The following GRIN2D variants were observed in gnomAD, a reference collection of about 807,000 sequenced individuals.
GRIN2D encodes glutamate receptor ionotropic, NMDA 2D.
Under a neutral mutation model 103.2 loss-of-function variants are expected in GRIN2D, and 37 were observed. The ratio of observed to expected loss-of-function variants is 0.36; its 90% CI spans 0.28 to 0.47. GRIN2D has a LOEUF of 0.47. Ranked by LOEUF, GRIN2D falls within the 20% of genes least tolerant of loss-of-function variation. The pLI is 1.00. For missense variants in GRIN2D, 1,557 were observed against 1,910.6 expected (o/e 0.81, Z 3.45); for synonymous variants, 845 against 885.6 (o/e 0.95, Z 0.81).
chr19:48,440,644 A>AAT (rs2147473665), intron 11 of GRIN2D, among the ~76,000 whole-genome samples: 1 of 119,504 alleles, frequency 8.4e-6, no homozygotes, highest in East Asian at 2.2e-4. Flanking sequence ...TGCTTGGCAC[A>AAT]ATATAACTGA....
chr19:48,409,790 C>A (rs990634648), intron 4 of GRIN2D, among the ~76,000 whole-genome samples: 1 of 150,002 alleles, frequency 6.7e-6, no homozygotes, highest in Non-Finnish European at 1.5e-5. Context: ...TCTTTTTTTT[C>A]TTTTTTTTGA....
At chr19:48,399,218 G>A (rs1361322772) in intron 3 of GRIN2D, among the ~76,000 whole-genome samples, 1 of 152,180 alleles carries the variant, frequency 6.6e-6, no homozygotes, top group African/African-American at 2.4e-5. Context: ...AGCCCCAAAT[G>A]GCAAAATCTG....
rs1014145028 is a variant in GRIN2D at position 48,421,656 on chromosome 19, G to A, written c.2092-129G>A. 9 of 713,326 alleles carry A rather than the reference G, an allele frequency of 1.3e-5. No homozygotes were observed. Among genetic ancestry groups the A allele is most frequent in the Middle Eastern group, 3.3e-4 (1 of 3,048 alleles). The allele number at this position is 713,326 out of a possible 1,614,324, so 44.2% of individuals were successfully genotyped here. On this transcript the variant is annotated intron_variant, in intron 10 of 13. Coordinates refer to ENST00000263269, the MANE Select transcript of GRIN2D (RefSeq NM_000836.4). The surrounding 1 kb of genome is among the most constrained non-coding windows in gnomAD (Gnocchi z 4.8). ...AAGCATTCCCTAATGTAGTGAGCGA[G>A]TGTTGAGAAATATTGAACACTCCTG... is the stretch of plus-strand genomic sequence containing the variant.
intron 11 of GRIN2D, among the ~76,000 whole-genome samples, chr19:48,424,223 C>T (rs1017392239): frequency 1.4e-5 from 2 of 147,728 alleles, no homozygotes; most frequent in African/African-American, 5.1e-5. Context: ...CAAGACCAGC[C>T]TGTGAAACAT....
chr19:48,397,022 G>C (rs1193605227), intron 2 of GRIN2D, among the ~76,000 whole-genome samples: 1 of 152,062 alleles, frequency 6.6e-6, no homozygotes, highest in Admixed American at 6.5e-5. Flanking sequence ...TATTCAACAG[G>C]GGGCACAGGA....
Position 48,444,049 on chromosome 19 carries a change from C to A in GRIN2D, c.*112C>A. 3.0e-6 allele frequency: 2 copies of A among 671,286 alleles called. No homozygotes were observed. Among genetic ancestry groups the A allele is most frequent in the Non-Finnish European group, 4.4e-6 (2 of 453,058 alleles). The allele number at this position is 671,286 out of a possible 1,614,324, so 41.6% of individuals were successfully genotyped here. A position where few individuals can be genotyped will look rare whatever the true frequency, so the allele number is the denominator to read the frequency against. On this transcript the variant is annotated 3_prime_UTR_variant, in exon 14 of 14. Coordinates refer to ENST00000263269, the MANE Select transcript of GRIN2D (RefSeq NM_000836.4). The surrounding 1 kb of genome is among the most constrained non-coding windows in gnomAD (Gnocchi z 5.5). ...TGGGAAGGAAAGCAGTGGAACTGGC[C>A]GGACCCCGCCTGGAGCAGCGTCCTG...
rs1185822464 is a variant in GRIN2D, at chr19:48,443,189, G to A, written c.3263G>A (p.Gly1088Glu). The A allele has an allele frequency of 2.7e-5, 30 of 1,128,848 alleles. No homozygotes were observed. Among genetic ancestry groups the A allele is most frequent in the African/African-American group, 3.3e-5 (2 of 59,994 alleles). The allele number at this position is 1,128,848 out of a possible 1,614,324, so 69.9% of individuals were successfully genotyped here. Residue 1088 changes from glycine (G) to glutamate (E), a missense_variant, in exon 14 of 14, where the codon GGA becomes GAA. Transcript: ENST00000263269. This position sits in a 1 kb window ranked among gnomAD's most constrained non-coding sequence, Gnocchi z 8.9. ...GGGGGCACGGGGGGCGCAGGCGGAG[G>A]AGCCCCGGCCGCTCCGCCCCCGTGC... ...GAGGTGGAGG[G>E]APAAPPPCRA...
rs149452442 is a variant in GRIN2D at position 48,405,869 on chromosome 19, C to G, written c.1085+516C>G. 3.3e-5 allele frequency among the ~76,000 whole-genome samples: 5 copies of G among 152,316 alleles called. No homozygotes were observed. The highest frequency in any genetic ancestry group is 3.4e-3 in the Middle Eastern group (1 of 294). The stretch of plus-strand genomic sequence containing the variant: ...CATTCAGGGACCCAGGATTCTCCCA[C>G]ACTGTTACTCTGGCATCTCTGCATG... On this transcript the variant is annotated intron_variant, in intron 4 of 13. Coordinates refer to ENST00000263269, the MANE Select transcript of GRIN2D (RefSeq NM_000836.4). This position sits in a 1 kb window ranked among gnomAD's most constrained non-coding sequence, Gnocchi z 5.1.
intron 8 of GRIN2D, among the ~76,000 whole-genome samples, chr19:48,418,513 A>C (rs535691525): frequency 6.6e-6 from 1 of 152,198 alleles, no homozygotes; most frequent in African/African-American, 2.4e-5. Flanking sequence ...TGTAGGGGAC[A>C]GACAGGAGCT....
intron 11 of GRIN2D, among the ~76,000 whole-genome samples, chr19:48,433,951 CTT>C (rs778701949): frequency 1.3e-4 from 18 of 140,116 alleles, no homozygotes; most frequent in Non-Finnish European, 1.3e-4. Flanking sequence ...CGCTTCTTTT[CTT>C]TTTTTTTTTT....
intron 2 of GRIN2D, among the ~76,000 whole-genome samples, chr19:48,396,802 G>A (rs1001778538): frequency 3.9e-5 from 6 of 151,980 alleles, no homozygotes; most frequent in South Asian, 2.1e-4. Flanking sequence ...TGGGGTGGAC[G>A]AGGCCTGCGC....
At position 48,405,266 on chromosome 19, in the gene GRIN2D, C is replaced by A. The variant is rs1228608436; in HGVS notation, c.998C>A (p.Ala333Asp). Residue 333 changes from alanine (A) to aspartate (D), a missense_variant, in exon 4 of 14, where the codon GCC becomes GAC. Physicochemically the swap from Ala to Asp is moderately radical, Grantham distance 126. Transcript: ENST00000263269. This position sits in a 1 kb window ranked among gnomAD's most constrained non-coding sequence, Gnocchi z 5.1. ...GCCGTAGTGGCCAGAGGTGCCCAGGCCCTGCTGCGTGATTATGGTTTCCTT... is the reference window on the plus strand; with the variant it reads ...GCCGTAGTGGCCAGAGGTGCCCAGGACCTGCTGCGTGATTATGGTTTCCTT... ...GVAVVARGAQ[A>D]LLRDYGFLPE... 6.3e-7 allele frequency: 1 copy of A among 1,599,772 alleles called. No individual in the cohort carries two copies. The highest frequency in any genetic ancestry group is 8.5e-7 in the Non-Finnish European group (1 of 1,177,846).
At chr19:48,418,564 T>C (rs1970975544) in intron 8 of GRIN2D, among the ~76,000 whole-genome samples, 1 of 152,032 alleles carries the variant, frequency 6.6e-6, no homozygotes, top group African/African-American at 2.4e-5. Flanking sequence ...AGATGAGGCC[T>C]GAGCCCTGTT....
rs569050730 is a variant in GRIN2D, at chr19:48,424,265, A to ATT, written c.2252+2342_2252+2343dup. Among the ~76,000 whole-genome samples, 500 of 101,188 alleles carry ATT rather than the reference A, an allele frequency of 4.9e-3. 1 individual carries two copies. The highest frequency in any genetic ancestry group is 5.8e-3 in the Non-Finnish European group (309 of 53,702). 66.4% of individuals were successfully genotyped at this position (101,188 alleles called of 152,430 possible). ...ACCCCCTTGACTCACAAAAAAAAAA[A>ATT]TTTTTTTTTTTTTTTTTTTTTTTGA... On this transcript the variant is annotated intron_variant, in intron 11 of 13. Coordinates refer to ENST00000263269, the MANE Select transcript of GRIN2D (RefSeq NM_000836.4).
At position 48,425,106 on chromosome 19, in the gene GRIN2D, T is replaced by A. The variant is rs1356006892; in HGVS notation, c.2252+3161T>A. On this transcript the variant is annotated intron_variant, in intron 11 of 13. Transcript: ENST00000263269. ...CACCTCTGCTTCACTTGCGCCTTCCTCAGAAGGCAGGGATGGCTGCAAACA... is the reference window on the plus strand; with the variant it reads ...CACCTCTGCTTCACTTGCGCCTTCCACAGAAGGCAGGGATGGCTGCAAACA... Among the ~76,000 whole-genome samples the A allele has an allele frequency of 2.6e-5, 4 of 151,862 alleles. No individual in the cohort carries two copies. The East Asian group carries it at 7.8e-4, about 29-fold the overall frequency.
chr19:48,421,264 A>ATGTGC lies in GRIN2D; in HGVS notation c.2092-521_2092-520insTGTGC, dbSNP rs1971018635. On this transcript the variant is annotated intron_variant, in intron 10 of 13. Transcript: ENST00000263269. The surrounding 1 kb of genome is among the most constrained non-coding windows in gnomAD (Gnocchi z 4.8). ...ACCAACATGGAGAAACCCCATCTCT[A>ATGTGC]CTAAAAATACAAAACTGGCTGGGCA... 6.6e-6 allele frequency among the ~76,000 whole-genome samples: 1 copy of ATGTGC among 152,058 alleles called. No individual in the cohort carries two copies. Among genetic ancestry groups the ATGTGC allele is most frequent in the Admixed American group, 6.6e-5 (1 of 15,250 alleles).
At chr19:48,396,373 C>T (rs1006252945) in intron 2 of GRIN2D, among the ~76,000 whole-genome samples, 2 of 152,040 alleles carry the variant, frequency 1.3e-5, no homozygotes, top group Admixed American at 1.3e-4. Context: ...GGGCCGGGGG[C>T]TGCCCTCCTG....
At position 48,404,909 on chromosome 19, in the gene GRIN2D, G is replaced by T; in HGVS notation, c.641G>T (p.Gly214Val). ...GTGCTGACTGACGGTAGTCTGGTGG[G>T]CTGGGAGCACCGCGGAGCGCTGACG... Reference protein sequence around the residue: ...IEVLTDGSLVGWEHRGALTLD... With the variant: ...IEVLTDGSLVVWEHRGALTLD... Residue 214 changes from glycine to valine, a missense_variant, in exon 4 of 14, where the codon GGC becomes GTC. Physicochemically the swap from Gly to Val is moderately radical, Grantham distance 109 (BLOSUM62 -3). Coordinates refer to ENST00000263269, the MANE Select transcript of GRIN2D (RefSeq NM_000836.4). 1 of 1,614,028 alleles carries T rather than the reference G, an allele frequency of 6.2e-7. No homozygotes were observed. The highest frequency in any genetic ancestry group is 1.3e-5 in the African/African-American group (1 of 75,080).
chr19:48,415,949 T>A, intron 7 of GRIN2D, 53 bp from the exon 8 acceptor site: 8 of 1,542,006 alleles, frequency 5.2e-6, no homozygotes, highest in Non-Finnish European at 7.1e-6. Context: ...TCCGTGTCAG[T>A]CTGTCCGCTT....
Sources: allele counts gnomAD v4.1 joint callset (sites outside exome capture counted in the v4.1 genomes callset), GRCh38; gene constraint gnomAD v4.1.1; non-coding constraint Gnocchi (gnomAD v3.1); transcripts MANE v1.5; gene names NCBI Gene and HGNC (gene_info 2026-07-23, HGNC 2026-07-21).